NLRC5: variants seen among roughly 807,000 people sequenced by gnomAD.
NLRC5 encodes the protein NLR family CARD domain containing 5.
In NLRC5, 114 loss-of-function variants were observed where a neutral mutation model predicts 206.9. The observed-to-expected ratio is 0.55, with a 90% CI of 0.47 to 0.64. The LOEUF is 0.64. NLRC5 is among the 30% of genes least tolerant of loss of function. The pLI, the probability that NLRC5 is intolerant of heterozygous loss-of-function variation, is 0.00. For missense variants in NLRC5, 2,008 were observed against 2,305.5 expected, an observed-to-expected ratio of 0.87 and a Z score of 2.64; for synonymous variants, 952 against 962.8, an observed-to-expected ratio of 0.99 and a Z score of 0.21.
At chr16:57,062,414 C>T (rs539337357) in intron 32 of NLRC5, 4 of 303,002 alleles carry the variant, frequency 1.3e-5, no homozygotes, top group Admixed American at 4.9e-5. Context: ...CACGGGATGG[C>T]GATGGTCTTC....
Position 57,026,336 on chromosome 16 carries a change from C to T in NLRC5, c.1393C>T (p.Leu465=), listed in dbSNP as rs775917017. ...SSLLDLGEVA[L]RGLETGKVIF... is the part of the protein sequence containing the mutation. ...CCTACTGGACCTGGGGGAGGTGGCC[C>T]TGAGGGGCCTGGAGACAGGGAAGGT... is the stretch of plus-strand genomic sequence containing the variant. Residue 465 remains leucine (L), a synonymous_variant, in exon 6 of 49, where the codon CTG becomes TTG. Coordinates refer to ENST00000688547, the MANE Select transcript of NLRC5 (RefSeq NM_001384950.1). 15 of 1,613,856 alleles carry T rather than the reference C, an allele frequency of 9.3e-6. No individual in the cohort carries two copies. The South Asian group carries it at 1.6e-4, about 18-fold the overall frequency.
chr16:57,044,198 C>G (rs1260455143), intron 20 of NLRC5, among the ~76,000 whole-genome samples: 12 of 151,286 alleles, frequency 7.9e-5, no homozygotes, highest in African/African-American at 2.7e-4. Context: ...GTAGTGCCAG[C>G]CGCTCAGGAG....
chr16:57,067,106 C>T (rs2144807934), intron 34 of NLRC5, among the ~76,000 whole-genome samples: 1 of 152,336 alleles, frequency 6.6e-6, no homozygotes, highest in Non-Finnish European at 1.5e-5. Flanking sequence ...GGATGCAGCC[C>T]TGCATGTGTA....
chr16:57,056,432 A>G (rs2065670064), intron 27 of NLRC5, among the ~76,000 whole-genome samples: 1 of 152,102 alleles, frequency 6.6e-6, no homozygotes, highest in Non-Finnish European at 1.5e-5. Context: ...CTGGGACTAC[A>G]GGCACACACC....
At chr16:57,043,466 G>T in intron 19 of NLRC5, 49 bp from the exon 20 acceptor site, 2 of 1,358,622 alleles carry the variant, frequency 1.5e-6, no homozygotes, top group Non-Finnish European at 2.1e-6. Flanking sequence ...CAAAGAGGAT[G>T]TGTTTGGGTC....
At chr16:57,005,682 G>A (rs1227414060) in intron 1 of NLRC5, among the ~76,000 whole-genome samples, 2 of 152,106 alleles carry the variant, frequency 1.3e-5, no homozygotes, top group African/African-American at 4.8e-5. Flanking sequence ...ACTTTGGGAG[G>A]CCAAGGTGGG....
chr16:57,066,977 C>T (rs2067145927), intron 34 of NLRC5, among the ~76,000 whole-genome samples: 1 of 142,242 alleles, frequency 7.0e-6, no homozygotes, highest in Non-Finnish European at 1.5e-5. Context: ...AGGGAGGCCC[C>T]CTGGACCCCA....
chr16:57,031,451 C>T lies in NLRC5; in HGVS notation c.2465C>T (p.Ala822Val). ...CTTTCCCCGCCCACAGAGACAACTG[C>T]AGAGCTACAAAGGTAAGAAGCCAAG... The part of the protein sequence containing the change: ...FLLSPPTETT[A>V]ELQRAPDLQE... The change falls in exon 11 of 49, where the codon GCA (alanine) becomes GTA (valine). Residue 822 changes from alanine (A) to valine (V), a missense_variant. Physicochemically the swap from Ala to Val is moderately conservative, Grantham distance 64 (BLOSUM62 0). Transcript: ENST00000688547. 1 of 1,613,728 alleles carries T rather than the reference C, an allele frequency of 6.2e-7. No individual in the cohort carries two copies. Among genetic ancestry groups the T allele is most frequent in the Non-Finnish European group, 8.5e-7 (1 of 1,179,956 alleles).
intron 1 of NLRC5, among the ~76,000 whole-genome samples, chr16:57,009,421 G>C (rs567820013): frequency 6.6e-6 from 1 of 151,910 alleles, no homozygotes; most frequent in Non-Finnish European, 1.5e-5. Context: ...GTGAAACCCC[G>C]TCTCTACTAA....
At chr16:57,075,902 T>C (rs926918790) in intron 39 of NLRC5, 1 of 152,822 alleles carries the variant, frequency 6.5e-6, no homozygotes, top group Non-Finnish European at 1.5e-5. Flanking sequence ...TAAAGTGTAT[T>C]TATTTATTTC....
At chr16:57,071,619 G>C (rs1229901646) in intron 38 of NLRC5, among the ~76,000 whole-genome samples, 1 of 140,748 alleles carries the variant, frequency 7.1e-6, no homozygotes, top group Non-Finnish European at 1.5e-5. Context: ...GGTTAATGGG[G>C]AAGGGGGTGG....
intron 20 of NLRC5, 44 bp from the exon 21 acceptor site, chr16:57,045,404 G>A (rs368938259): frequency 6.2e-7 from 1 of 1,610,962 alleles, no homozygotes. Flanking sequence ...CAGGGAAGTT[G>A]GTCTTTGACC....
At chr16:57,076,794 C>T in intron 39 of NLRC5, 25 bp from the exon 40 acceptor site, 1 of 1,612,078 alleles carries the variant, frequency 6.2e-7, no homozygotes. Context: ...CTGAAAGCCT[C>T]TTGGTCTATT....
chr16:57,025,456 C>T lies in NLRC5; in HGVS notation c.513C>T (p.Ala171=). The change falls in exon 6 of 49, where the codon GCC becomes GCT. Residue 171 remains alanine, a synonymous_variant. Transcript: ENST00000688547. ...TCCCTGGGTCAGGGCAGCCCCACGC[C>T]TTCCACCAGGTCTATGTCCCTCCAA... is the stretch of plus-strand genomic sequence containing the variant. ...SQIPGSGQPH[A]FHQVYVPPIL... is the part of the protein sequence containing the mutation. 1.2e-6 allele frequency: 2 copies of T among 1,610,862 alleles called. No homozygotes were observed. Among genetic ancestry groups the T allele is most frequent in the Non-Finnish European group, 8.5e-7 (1 of 1,178,138 alleles).
At chr16:57,067,991 G>A (rs75688907) in intron 36 of NLRC5, among the ~76,000 whole-genome samples, 163 bp downstream of exon 36, 15,958 of 152,230 alleles carry the variant, frequency 0.1, 1,030 homozygotes, top group Admixed American at 0.16. Flanking sequence ...GTACCTAGTC[G>A]TAAACATGAC....
chr16:57,080,463 T>C (rs909449674), intron 46 of NLRC5, among the ~76,000 whole-genome samples: 1 of 148,948 alleles, frequency 6.7e-6, no homozygotes, highest in Non-Finnish European at 1.5e-5. Flanking sequence ...ATAGTAGCAA[T>C]AAAAGTTTCC....
chr16:57,068,493 T>C (rs2067299531), intron 36 of NLRC5, among the ~76,000 whole-genome samples: 1 of 151,884 alleles, frequency 6.6e-6, no homozygotes, highest in Admixed American at 6.6e-5. Flanking sequence ...TGCTCATTTC[T>C]TCCCTCCCTC....
rs141215714 is a variant in NLRC5 at position 57,074,699 on chromosome 16, G to T, written c.4751+16G>T. ...AGAGCCTCAGGTGAGTGACCGAGCG[G>T]CCCCATGGGAATGAGTGGGAAGAAA... is the stretch of plus-strand genomic sequence containing the variant. On this transcript the variant is annotated intron_variant, in intron 39 of 48. Transcript: ENST00000688547. 11 of 1,612,456 alleles carry T rather than the reference G, an allele frequency of 6.8e-6. No homozygotes were observed. In the African/African-American group the frequency reaches 1.5e-4, roughly 21 times the overall value.
chr16:57,071,250 G>C (rs573909370), intron 38 of NLRC5, among the ~76,000 whole-genome samples: 2 of 149,256 alleles, frequency 1.3e-5, no homozygotes, highest in Non-Finnish European at 1.5e-5. Flanking sequence ...GTGGTTAATG[G>C]GGAAGGGTTG....
Sources: gnomAD v4.1 joint callset for allele counts (sites outside exome capture counted in the v4.1 genomes callset) on GRCh38, gnomAD v4.1.1 for gene constraint, MANE v1.5 for transcripts, NCBI Gene and HGNC (gene_info 2026-07-23, HGNC 2026-07-21) for gene names.